Variants in DNAJC15 observed in about 807,000 individuals in gnomAD.
DNAJC15 encodes dnaJ homolog subfamily C member 15.
DNAJC15 carries 27 observed loss-of-function variants against 22.4 expected under a neutral mutation model. The ratio of observed to expected loss-of-function variants is 1.20; its 90% CI spans 0.89 to 1.66. The LOEUF (loss-of-function observed/expected upper bound fraction) is 1.66. Among genes scored for constraint, DNAJC15 ranks in the 40% most tolerant of loss-of-function variants. The pLI is 0.00. For missense variants in DNAJC15, 208 were observed against 187.1 expected, an observed-to-expected ratio of 1.11 and a Z score of -0.65; for synonymous variants, 79 against 63.2, an observed-to-expected ratio of 1.25 and a Z score of -1.19.
intron 5 of DNAJC15, among the ~76,000 whole-genome samples, chr13:43,104,698 T>C (rs1420482048): frequency 4.6e-5 from 7 of 151,196 alleles, no homozygotes; most frequent in South Asian, 4.2e-4. Flanking sequence ...CTTTTCTTTT[T>C]TTTTTTTTGG....
intron 1 of DNAJC15, among the ~76,000 whole-genome samples, chr13:43,027,334 A>G (rs897712605): frequency 6.6e-6 from 1 of 152,150 alleles, no homozygotes; most frequent in Non-Finnish European, 1.5e-5. Context: ...TGCTGCACAG[A>G]TTGTCTCATC....
At chr13:43,061,780 C>T (rs2040560408) in intron 1 of DNAJC15, among the ~76,000 whole-genome samples, 1 of 152,266 alleles carries the variant, frequency 6.6e-6, no homozygotes, top group African/African-American at 2.4e-5. Context: ...ATGATCTACG[C>T]AGCTCCTGCC....
At chr13:43,039,718 TGA>T (rs2040444403) in intron 1 of DNAJC15, among the ~76,000 whole-genome samples, 1 of 152,150 alleles carries the variant, frequency 6.6e-6, no homozygotes, top group Admixed American at 6.5e-5. Context: ...TATTTAAACT[TGA>T]AAGAGATAAA....
intron 1 of DNAJC15, among the ~76,000 whole-genome samples, chr13:43,033,789 G>T (rs1325370413): frequency 6.6e-6 from 1 of 152,072 alleles, no homozygotes; most frequent in Non-Finnish European, 1.5e-5. Flanking sequence ...AGCACTTTGG[G>T]AGGCCAAGGT....
intron 3 of DNAJC15, among the ~76,000 whole-genome samples, chr13:43,069,964 A>G (rs1421464768): frequency 6.6e-6 from 1 of 152,148 alleles, no homozygotes; most frequent in Non-Finnish European, 1.5e-5. Context: ...ATTTTTTCCA[A>G]ATTTATAATT....
In DNAJC15 at chr13:43,085,764, A is replaced by G. The variant is rs1478205125; in HGVS notation, c.312-4A>G. 9.3e-6 allele frequency: 15 copies of G among 1,610,562 alleles called. No homozygotes were observed. Among genetic ancestry groups the G allele is most frequent in the Non-Finnish European group, 1.3e-5 (15 of 1,178,962 alleles). On this transcript the variant is annotated splice_polypyrimidine_tract_variant and splice_region_variant and intron_variant, in intron 4 of 5. Coordinates refer to ENST00000379221, the MANE Select transcript of DNAJC15 (RefSeq NM_013238.3). ...ATTATAAGCACTGTAATTTCTTTTT[A>G]CAGCCCATCTGCTGGCAAGGCTAAG...
chr13:43,038,991 GT>G (rs1485554261), intron 1 of DNAJC15, among the ~76,000 whole-genome samples: 1 of 152,218 alleles, frequency 6.6e-6, no homozygotes, highest in African/African-American at 2.4e-5. Flanking sequence ...GACTTTATAT[GT>G]TTTTTGTGAA....
At chr13:43,096,626 G>A (rs143067513) in intron 5 of DNAJC15, among the ~76,000 whole-genome samples, 85 of 152,292 alleles carry the variant, frequency 5.6e-4, no homozygotes, top group Admixed American at 1.7e-3. Flanking sequence ...TTGCTGTTAG[G>A]AATCTTATAT....
chr13:43,081,631 G>A (rs1218149437), intron 4 of DNAJC15, among the ~76,000 whole-genome samples: 1 of 151,758 alleles, frequency 6.6e-6, no homozygotes, highest in African/African-American at 2.4e-5. Context: ...GTAGAGACGG[G>A]GTTTCACCGT....
At position 43,034,705 on chromosome 13, in the gene DNAJC15, C is replaced by G. The variant is rs375010711; in HGVS notation, c.108+10971C>G. 1.4e-3 allele frequency among the ~76,000 whole-genome samples: 214 copies of G among 152,188 alleles called. 1 individual carries two copies. Among genetic ancestry groups the G allele is most frequent in the Admixed American group, 2.5e-3 (38 of 15,290 alleles). ...TATGCTTTGGATTATAATCCACTAC[C>G]ACATTTATTTTGTTGTTCAAGCTGT... On this transcript the variant is annotated intron_variant, in intron 1 of 5. Coordinates refer to ENST00000379221, the MANE Select transcript of DNAJC15 (RefSeq NM_013238.3).
At chr13:43,098,958 G>A (rs2040754210) in intron 5 of DNAJC15, among the ~76,000 whole-genome samples, 1 of 152,070 alleles carries the variant, frequency 6.6e-6, no homozygotes, top group Non-Finnish European at 1.5e-5. Context: ...GATAAGGATT[G>A]CATTAAATCT....
intron 3 of DNAJC15, among the ~76,000 whole-genome samples, chr13:43,076,977 TC>T (rs2040636740): frequency 6.6e-6 from 1 of 152,218 alleles, no homozygotes; most frequent in South Asian, 2.1e-4. Context: ...GACTGATTCC[TC>T]TCCATTTCTA....
chr13:43,028,568 T>A (rs1398727761), intron 1 of DNAJC15, among the ~76,000 whole-genome samples: 1 of 152,210 alleles, frequency 6.6e-6, no homozygotes, highest in Admixed American at 6.5e-5. Context: ...TTTAACATGA[T>A]CTAAACCTTT....
In DNAJC15 at chr13:43,029,755, A is replaced by G. The variant is rs2040396334; in HGVS notation, c.108+6021A>G. Among the ~76,000 whole-genome samples, 3 of 152,256 alleles carry G rather than the reference A, an allele frequency of 2.0e-5. No individual in the cohort carries two copies. The East Asian group carries it at 5.8e-4, about 29-fold the overall frequency. On this transcript the variant is annotated intron_variant, in intron 1 of 5. Transcript: ENST00000379221. ...TTGATCTGCTGGCATTATTTAAATA[A>G]TGTTTCTTCTCTTTGAAATATGCCT...
intron 4 of DNAJC15, among the ~76,000 whole-genome samples, chr13:43,079,065 T>C (rs1323752337): frequency 3.3e-5 from 5 of 152,220 alleles, no homozygotes; most frequent in Non-Finnish European, 7.3e-5. Context: ...TCTTTTCTGC[T>C]TCTGCAGTGT....
At chr13:43,088,336 A>G (rs777658954) in intron 5 of DNAJC15, among the ~76,000 whole-genome samples, 1 of 152,194 alleles carries the variant, frequency 6.6e-6, no homozygotes, top group Non-Finnish European at 1.5e-5. Flanking sequence ...CACTGATCTA[A>G]TCAATGCTGC....
intron 5 of DNAJC15, among the ~76,000 whole-genome samples, chr13:43,099,779 T>C (rs566659737): frequency 6.6e-6 from 1 of 152,154 alleles, no homozygotes; most frequent in Admixed American, 6.5e-5. Context: ...GGTTGTGGTT[T>C]ATAATTCTTT....
At chr13:43,023,859 G>A in intron 1 of DNAJC15, 125 bp downstream of exon 1, 1 of 922,676 alleles carries the variant, frequency 1.1e-6, no homozygotes. Context: ...GTGCCCTAGC[G>A]CTCACTTGTT....
intron 1 of DNAJC15, among the ~76,000 whole-genome samples, chr13:43,063,530 GTTGTTA>G (rs2153440763): frequency 6.6e-6 from 1 of 152,216 alleles, no homozygotes; most frequent in Non-Finnish European, 1.5e-5. Flanking sequence ...ATACCATTCT[GTTGTTA>G]TTGTTAGTAT....
Sources: allele counts gnomAD v4.1 joint callset (sites outside exome capture counted in the v4.1 genomes callset), GRCh38; gene constraint gnomAD v4.1.1; transcripts MANE v1.5; gene names NCBI Gene and HGNC (gene_info 2026-07-23, HGNC 2026-07-21).